PSD3: variants seen among roughly 807,000 people sequenced by gnomAD.
PSD3 encodes the protein PH and SEC7 domain-containing protein 3.
Under a neutral mutation model 105.5 loss-of-function variants are expected in PSD3, and 49 were observed. The observed-to-expected ratio is 0.46, with a 90% confidence interval of 0.37 to 0.59. The LOEUF (loss-of-function observed/expected upper bound fraction) is 0.59, where lower values mean the gene tolerates loss of function less well. Among genes scored for constraint, PSD3 ranks in the 20% least tolerant of loss-of-function variants. The pLI, the probability that PSD3 is intolerant of heterozygous loss-of-function variation, is 0.00. For missense variants in PSD3, 1,561 were observed against 1,263.8 expected (o/e 1.24, Z -3.57); for synonymous variants, 557 against 457.8 (o/e 1.22, Z -2.77).
chr8:18,655,134 T>C (rs952290168), intron 10 of PSD3, among the ~76,000 whole-genome samples: 2 of 151,180 alleles, frequency 1.3e-5, no homozygotes, highest in African/African-American at 2.4e-5. Flanking sequence ...CCATCCTGGC[T>C]AACACTGTGA....
At chr8:19,007,264 TAGAG>T (rs139766444) in intron 1 of PSD3, among the ~76,000 whole-genome samples, 11 of 144,228 alleles carry the variant, frequency 7.6e-5, no homozygotes, top group African/African-American at 2.5e-4. Context: ...AAAAAATAAA[TAGAG>T]AGAGAGTGAG....
rs139910714 is a variant in PSD3 at position 18,720,002 on chromosome 8, G to A, written c.2172+45447C>T. Among the ~76,000 whole-genome samples the A allele has an allele frequency of 9.4e-3, 1,434 of 152,178 alleles. 25 individuals are homozygous for A. The highest frequency in any genetic ancestry group is 0.032 in the African/African-American group (1,325 of 41,532). Reference sequence around the variant, plus strand: ...TCGAAACCCAAAAAGGTAAAGATACGTAAGTTTTCTTGCCCTTAATGCCCT... The same window carrying A: ...TCGAAACCCAAAAAGGTAAAGATACATAAGTTTTCTTGCCCTTAATGCCCT... On this transcript the variant is annotated intron_variant, in intron 9 of 15. Transcript: ENST00000327040.
chr8:18,748,048 CAT>C (rs1283710310), intron 9 of PSD3, among the ~76,000 whole-genome samples: 1 of 152,120 alleles, frequency 6.6e-6, no homozygotes, highest in Non-Finnish European at 1.5e-5. Flanking sequence ...GCTGATCTCT[CAT>C]AAAACACCCC....
chr8:18,775,725 T>C (rs1371081434), intron 8 of PSD3, among the ~76,000 whole-genome samples: 1 of 152,226 alleles, frequency 6.6e-6, no homozygotes, highest in East Asian at 1.9e-4. Context: ...ATTCTGGTTA[T>C]TAATCCCTTT....
intron 11 of PSD3, 115 bp downstream of exon 11, chr8:18,632,498 T>C (rs1806974292): frequency 2.7e-6 from 3 of 1,131,752 alleles, no homozygotes; most frequent in Non-Finnish European, 3.8e-6. Flanking sequence ...ATTTCAAGAA[T>C]GTGTCTATAG....
At chr8:19,007,737 T>C (rs1274071158) in intron 1 of PSD3, among the ~76,000 whole-genome samples, 1 of 152,234 alleles carries the variant, frequency 6.6e-6, no homozygotes, top group Non-Finnish European at 1.5e-5. Context: ...AATGCTTAAA[T>C]CAACAGCATA....
intron 8 of PSD3, among the ~76,000 whole-genome samples, chr8:18,791,618 A>G (rs1027869506): frequency 1.3e-5 from 2 of 152,178 alleles, no homozygotes; most frequent in Non-Finnish European, 2.9e-5. Flanking sequence ...CCCAAAACCA[A>G]TAAAACCCTA....
intron 1 of PSD3, among the ~76,000 whole-genome samples, chr8:18,965,772 T>C (rs534724588): frequency 6.6e-6 from 1 of 152,334 alleles, no homozygotes; most frequent in East Asian, 1.9e-4. Context: ...ACGTGGATAT[T>C]TTCACACCCA....
intron 15 of PSD3, among the ~76,000 whole-genome samples, chr8:18,539,134 C>T (rs1307526765): frequency 2.6e-5 from 4 of 152,190 alleles, no homozygotes; most frequent in Admixed American, 2.6e-4. Flanking sequence ...TTTAGGAAAA[C>T]GTAACTTTAA....
intron 15 of PSD3, among the ~76,000 whole-genome samples, chr8:18,540,705 T>A (rs747264036): frequency 2.8e-4 from 43 of 152,130 alleles, no homozygotes; most frequent in Non-Finnish European, 4.6e-4. Flanking sequence ...GCCCTCCACG[T>A]GCACTCCTTT....
chr8:18,795,467 C>T (rs764157724), intron 8 of PSD3, among the ~76,000 whole-genome samples: 3 of 152,198 alleles, frequency 2.0e-5, no homozygotes, highest in Non-Finnish European at 4.4e-5. Context: ...TTAAAAGGTA[C>T]ATTTTGTCAA....
intron 9 of PSD3, among the ~76,000 whole-genome samples, chr8:18,739,351 C>T (rs369959599): frequency 1.3e-5 from 2 of 152,064 alleles, no homozygotes; most frequent in East Asian, 1.9e-4. Flanking sequence ...GTTATAAACT[C>T]GCTGTTGAAA....
chr8:18,695,461 C>A (rs1023843419), intron 9 of PSD3, among the ~76,000 whole-genome samples: 3 of 152,212 alleles, frequency 2.0e-5, no homozygotes, highest in Admixed American at 2.0e-4. Context: ...TGCCAGAAGA[C>A]CCCTGAAGGA....
intron 9 of PSD3, among the ~76,000 whole-genome samples, chr8:18,661,781 C>T (rs533636863): frequency 1.2e-4 from 18 of 152,292 alleles, no homozygotes; most frequent in African/African-American, 4.3e-4. Flanking sequence ...AGAGAATTCA[C>T]AGGTAGATCC....
chr8:18,836,170 G>A (rs934646155), intron 4 of PSD3, among the ~76,000 whole-genome samples: 1 of 152,142 alleles, frequency 6.6e-6, no homozygotes, highest in African/African-American at 2.4e-5. Context: ...GGAGACTCCC[G>A]CATTTAATGG....
At position 18,804,796 on chromosome 8, in the gene PSD3, G is replaced by T. The variant is rs1020292405; in HGVS notation, c.1737C>A (p.Ser579Arg). Residue 579 changes from serine (S) to arginine (R), a missense_variant, in exon 5 of 16, where the codon AGC (serine) becomes AGA (arginine). Ser to Arg is a moderately radical substitution (Grantham distance 110). Coordinates refer to ENST00000327040, the MANE Select transcript of PSD3 (RefSeq NM_015310.4). ...ACCTTTTGGCTGCTTCCACATTGCT[G>T]CTGGTACCATTACTGAGATTTTCTG... ...ETPENLSNGTSSNVEAAKRLA... is the reference protein window; with the variant it reads ...ETPENLSNGTRSNVEAAKRLA... The T allele has an allele frequency of 6.2e-7, 1 of 1,613,962 alleles. No individual in the cohort carries two copies. Among genetic ancestry groups the T allele is most frequent in the Admixed American group, 1.7e-5 (1 of 60,002 alleles).
At chr8:19,073,792 C>G (rs972383279) in intron 1 of PSD3, among the ~76,000 whole-genome samples, 1 of 80,364 alleles carries the variant, frequency 1.2e-5, no homozygotes, top group Non-Finnish European at 3.5e-5. Context: ...GTGTTTTTTT[C>G]TTTTTCTTTT....
chr8:18,808,137 C>G (rs1036754282), intron 4 of PSD3, among the ~76,000 whole-genome samples: 8 of 152,060 alleles, frequency 5.3e-5, no homozygotes, highest in Non-Finnish European at 7.4e-5. Context: ...ATATTTATTC[C>G]AAGAACTACG....
chr8:18,818,229 A>G (rs2129449003), intron 4 of PSD3, among the ~76,000 whole-genome samples: 2 of 152,326 alleles, frequency 1.3e-5, no homozygotes, highest in East Asian at 3.9e-4. Context: ...TGCTTGGATT[A>G]CAGACGTGAG....
Sources: allele counts gnomAD v4.1 joint callset (sites outside exome capture counted in the v4.1 genomes callset), GRCh38; gene constraint gnomAD v4.1.1; transcripts MANE v1.5; gene names NCBI Gene and HGNC (gene_info 2026-07-23, HGNC 2026-07-21).